BDKRB2: variants seen among roughly 807,000 people sequenced by gnomAD.
BDKRB2 encodes bradykinin receptor B2.
A neutral mutation model predicts 4.0 loss-of-function variants in BDKRB2; 6 were observed. The observed-to-expected ratio is 1.49, with a 90% CI of 0.81 to 2.93. The LOEUF is 2.93. BDKRB2 is among the 30% of genes most tolerant of loss of function. The pLI is 0.00. For missense variants in BDKRB2, 478 were observed against 520.1 expected, an observed-to-expected ratio of 0.92 and a Z score of 0.79; for synonymous variants, 225 against 215.3, an observed-to-expected ratio of 1.05 and a Z score of -0.40.
In BDKRB2 at chr14:96,216,808, A is replaced by AAGGAGG. The variant is rs138949891; in HGVS notation, c.-40+11864_-40+11869dup. 4.1e-4 allele frequency among the ~76,000 whole-genome samples: 59 copies of AAGGAGG among 145,294 alleles called. No homozygotes were observed. The East Asian group carries it at 9.7e-3, about 24-fold the overall frequency. ...GAGGAGGAGGAAGTAGGAGAAGAAGAAGGAGGAGGAGGAGGAGGAGATCCT... is the reference window on the plus strand; with the variant it reads ...GAGGAGGAGGAAGTAGGAGAAGAAGAAGGAGGAGGAGGAGGAGGAGGAGGAGATCCT... On this transcript the variant is annotated intron_variant, in intron 1 of 2. Coordinates refer to ENST00000554311, the MANE Select transcript of BDKRB2 (RefSeq NM_001379692.1).
chr14:96,233,388 AC>A (rs1048814002), intron 1 of BDKRB2: 1 of 151,738 alleles, frequency 6.6e-6, no homozygotes, highest in African/African-American at 2.4e-5. Context: ...CTGTGGTGGG[AC>A]CAGGGGGCAC....
chr14:96,212,114 C>G (rs1291700841), intron 1 of BDKRB2, among the ~76,000 whole-genome samples: 1 of 152,206 alleles, frequency 6.6e-6, no homozygotes, highest in Non-Finnish European at 1.5e-5. Context: ...ACCTACCCCT[C>G]ACTGTATTCT....
chr14:96,227,320 C>A (rs1163774897), intron 1 of BDKRB2, among the ~76,000 whole-genome samples: 1 of 152,220 alleles, frequency 6.6e-6, no homozygotes, highest in Non-Finnish European at 1.5e-5. Context: ...ATTAACCCCA[C>A]AAAGTAGGTG....
At chr14:96,215,072 A>G (rs562469378) in intron 1 of BDKRB2, among the ~76,000 whole-genome samples, 1 of 152,354 alleles carries the variant, frequency 6.6e-6, no homozygotes, top group Admixed American at 6.5e-5. Context: ...TGCCAAAGGA[A>G]TATATGTTCT....
intron 1 of BDKRB2, among the ~76,000 whole-genome samples, chr14:96,212,306 A>T (rs1264069552): frequency 1.3e-5 from 2 of 152,248 alleles, no homozygotes; most frequent in African/African-American, 2.4e-5. Flanking sequence ...TAACTATAAG[A>T]ACACTGCTTA....
chr14:96,206,169 G>A (rs996056305), intron 1 of BDKRB2, among the ~76,000 whole-genome samples: 1 of 152,228 alleles, frequency 6.6e-6, no homozygotes, highest in African/African-American at 2.4e-5. Flanking sequence ...TTCCACAGTT[G>A]TGAGCCCCAC....
At chr14:96,237,311 CA>C in intron 2 of BDKRB2, 130 bp downstream of exon 2, 3 of 844,402 alleles carry the variant, frequency 3.6e-6, no homozygotes, top group Non-Finnish European at 5.6e-6. Context: ...AGCCCAAAGA[CA>C]AAACCTCTCA....
intron 1 of BDKRB2, among the ~76,000 whole-genome samples, chr14:96,206,583 A>G (rs951543752): frequency 1.3e-5 from 2 of 152,038 alleles, no homozygotes; most frequent in Admixed American, 1.3e-4. Context: ...TCTTGCCATT[A>G]GAAGTAATGC....
chr14:96,240,004 C>T (rs1002782335), intron 2 of BDKRB2: 34 of 1,002,370 alleles, frequency 3.4e-5, no homozygotes, highest in East Asian at 2.1e-4. Flanking sequence ...ACCCACCACA[C>T]GGCTTTGAGA....
chr14:96,206,527 G>A (rs1890183474), intron 1 of BDKRB2, among the ~76,000 whole-genome samples: 1 of 152,128 alleles, frequency 6.6e-6, no homozygotes, highest in Non-Finnish European at 1.5e-5. Context: ...GCCTGCCGGT[G>A]GGACCCAACC....
chr14:96,239,675 T>C, intron 2 of BDKRB2: 3 of 942,542 alleles, frequency 3.2e-6, no homozygotes, highest in Non-Finnish European at 3.8e-6. Flanking sequence ...AGAGGTAGTT[T>C]TTTTAACTCC....
At chr14:96,238,335 C>A in intron 2 of BDKRB2, 1 of 567,394 alleles carries the variant, frequency 1.8e-6, no homozygotes, top group Non-Finnish European at 2.2e-6. Context: ...ATGTTATGAC[C>A]TAGCCTCAGA....
At chr14:96,209,559 A>G (rs893829395) in intron 1 of BDKRB2, among the ~76,000 whole-genome samples, 1 of 152,230 alleles carries the variant, frequency 6.6e-6, no homozygotes, top group African/African-American at 2.4e-5. Context: ...GAAGGTGGCC[A>G]AAAGAGGCAA....
At chr14:96,225,864 A>C (rs1177739475) in intron 1 of BDKRB2, among the ~76,000 whole-genome samples, 7 of 152,176 alleles carry the variant, frequency 4.6e-5, no homozygotes, top group Admixed American at 4.6e-4. Flanking sequence ...GTGGAGGAGC[A>C]GGGCCAGTAA....
chr14:96,237,988 G>A, intron 2 of BDKRB2: 1 of 1,183,206 alleles, frequency 8.5e-7, no homozygotes, highest in Non-Finnish European at 1.1e-6. Flanking sequence ...TGGGTTTTCT[G>A]TAGCTACAGA....
intron 1 of BDKRB2, among the ~76,000 whole-genome samples, chr14:96,216,756 A>AGGAGGAGGAAGGAGGG (rs1890433914): frequency 1.2e-5 from 1 of 84,276 alleles, no homozygotes; most frequent in African/African-American, 4.8e-5. Context: ...AGGAAGGAGG[A>AGGAGGAGGAAGGAGGG]GGAGGAGGAG....
In BDKRB2 at chr14:96,214,582, T is replaced by G. The variant is rs189958062; in HGVS notation, c.-40+9623T>G. On this transcript the variant is annotated intron_variant, in intron 1 of 2. Transcript: ENST00000554311. ...AGACTCCCTCGTCCAGACCCCTTCGTTGTACAGCAGGTTTGCCTCACATGC... is the reference window on the plus strand; with the variant it reads ...AGACTCCCTCGTCCAGACCCCTTCGGTGTACAGCAGGTTTGCCTCACATGC... 2.1e-4 allele frequency: 32 copies of G among 152,466 alleles called. 1 individual carries two copies. The highest frequency in any genetic ancestry group is 1.9e-3 in the Admixed American group (29 of 15,310). The allele number at this position is 152,466 out of a possible 1,614,324, so 9.4% of individuals were successfully genotyped here.
chr14:96,212,747 C>A, intron 1 of BDKRB2, among the ~76,000 whole-genome samples: 1 of 152,146 alleles, frequency 6.6e-6, no homozygotes. Flanking sequence ...TCCATCAGCA[C>A]CCCCAGAAAG....
At chr14:96,239,953 G>A in intron 2 of BDKRB2, 3 of 987,200 alleles carry the variant, frequency 3.0e-6, no homozygotes, top group Non-Finnish European at 3.6e-6. Flanking sequence ...GAATCTCCAG[G>A]TCTGGAATGA....
Sources: allele counts gnomAD v4.1 joint callset (sites outside exome capture counted in the v4.1 genomes callset), GRCh38; gene constraint gnomAD v4.1.1; transcripts MANE v1.5; gene names NCBI Gene and HGNC (gene_info 2026-07-23, HGNC 2026-07-21).